ADAMTSL1: variants seen among roughly 807,000 people sequenced by gnomAD.
ADAMTSL1 encodes ADAMTS-like protein 1.
In ADAMTSL1, 126 loss-of-function variants were observed where a neutral mutation model predicts 201.8. That is an observed-to-expected ratio of 0.62 (90% confidence interval 0.54 to 0.72). ADAMTSL1 has a LOEUF of 0.72. Among genes scored for constraint, ADAMTSL1 ranks in the 30% least tolerant of loss-of-function variants. The pLI is 0.00. For missense variants in ADAMTSL1, 2,679 were observed against 2,277.8 expected, an observed-to-expected ratio of 1.18 and a Z score of -3.59; for synonymous variants, 1,121 against 903.4, an observed-to-expected ratio of 1.24 and a Z score of -4.32.
At position 18,274,516 on chromosome 9, in the gene ADAMTSL1, A is replaced by G. The variant is rs368900489; in HGVS notation, c.207+110535A>G. Among the ~76,000 whole-genome samples, 4 of 152,206 alleles carry G rather than the reference A, an allele frequency of 2.6e-5. No homozygotes were observed. In the East Asian group the frequency reaches 7.7e-4, roughly 29 times the overall value. ...ATCTGCAATGTCTGAGGTATTTCAT[A>G]ATACAACAGAAATAGGCAAAATAAA... On this transcript the variant is annotated intron_variant, in intron 2 of 29. Transcript: ENST00000680146.
At chr9:18,374,234 T>C (rs1837182834) in intron 2 of ADAMTSL1, among the ~76,000 whole-genome samples, 1 of 152,202 alleles carries the variant, frequency 6.6e-6, no homozygotes, top group Non-Finnish European at 1.5e-5. Flanking sequence ...CTTGGAGCCG[T>C]AAAGAAAGGT....
chr9:18,114,110 G>A (rs560109126), intron 1 of ADAMTSL1, among the ~76,000 whole-genome samples: 27 of 152,222 alleles, frequency 1.8e-4, no homozygotes, highest in African/African-American at 6.0e-4. Context: ...AAAGAGGAGA[G>A]CACTTTACTT....
intron 20 of ADAMTSL1, among the ~76,000 whole-genome samples, chr9:18,804,484 C>G (rs1371092476): frequency 6.6e-6 from 1 of 152,126 alleles, no homozygotes; most frequent in Admixed American, 6.5e-5. Flanking sequence ...GAAAACTAGA[C>G]TAAGAAAAGA....
At chr9:18,037,529 A>C (rs1045191050) in intron 1 of ADAMTSL1, among the ~76,000 whole-genome samples, 1 of 152,134 alleles carries the variant, frequency 6.6e-6, no homozygotes, top group Non-Finnish European at 1.5e-5. Flanking sequence ...GTAGTATATT[A>C]AATAAGTGTT....
intron 23 of ADAMTSL1, among the ~76,000 whole-genome samples, chr9:18,860,474 C>T (rs943438446): frequency 6.6e-6 from 1 of 151,480 alleles, no homozygotes; most frequent in Non-Finnish European, 1.5e-5. Context: ...GACCATATGG[C>T]TCACAAAGTC....
At chr9:18,817,768 G>A (rs557814558) in intron 21 of ADAMTSL1, among the ~76,000 whole-genome samples, 1 of 152,370 alleles carries the variant, frequency 6.6e-6, no homozygotes, top group African/African-American at 2.4e-5. Flanking sequence ...GTTTAGAGGA[G>A]AAGTCATGGA....
chr9:18,334,395 G>A (rs1470349676), intron 2 of ADAMTSL1, among the ~76,000 whole-genome samples: 1 of 152,138 alleles, frequency 6.6e-6, no homozygotes, highest in African/African-American at 2.4e-5. Context: ...ACATGCAAGA[G>A]ATTAGTTCTT....
rs1830661940 is a variant in ADAMTSL1, at chr9:18,231,997, T to C, written c.207+68016T>C. Among the ~76,000 whole-genome samples, 3 of 152,310 alleles carry C rather than the reference T, an allele frequency of 2.0e-5. No homozygotes were observed. In the South Asian group the frequency reaches 6.2e-4, roughly 32 times the overall value. On this transcript the variant is annotated intron_variant, in intron 2 of 29. Transcript: ENST00000680146. ...CCTTGCTCCTAAAGCTTGTTCTCAG[T>C]AAGCAGCCAGAGTGTAACAGAGAGA...
chr9:18,701,314 G>A (rs1831910425), intron 13 of ADAMTSL1, among the ~76,000 whole-genome samples: 1 of 151,296 alleles, frequency 6.6e-6, no homozygotes, highest in Non-Finnish European at 1.5e-5. Flanking sequence ...CCACCTCCCG[G>A]GTTCAAGCAA....
chr9:18,247,717 G>A (rs1831316695), intron 2 of ADAMTSL1, among the ~76,000 whole-genome samples: 1 of 152,176 alleles, frequency 6.6e-6, no homozygotes, highest in Admixed American at 6.5e-5. Context: ...TGGCTACAAA[G>A]CAGAGGCTTC....
intron 1 of ADAMTSL1, among the ~76,000 whole-genome samples, chr9:18,041,448 G>T (rs1186813638): frequency 1.3e-5 from 2 of 152,120 alleles, no homozygotes; most frequent in Non-Finnish European, 2.9e-5. Context: ...TGGAATAAAG[G>T]TAAAAGTTTG....
chr9:18,648,652 A>G (rs111610182), intron 7 of ADAMTSL1, among the ~76,000 whole-genome samples: 24,264 of 149,744 alleles, frequency 0.16, 2,101 homozygotes, highest in Middle Eastern at 0.22. Context: ...GATGAAGCTT[A>G]GTTTGGCTGG....
At chr9:18,249,425 G>T (rs930136080) in intron 2 of ADAMTSL1, among the ~76,000 whole-genome samples, 3 of 152,082 alleles carry the variant, frequency 2.0e-5, no homozygotes, top group African/African-American at 7.2e-5. Flanking sequence ...TACAGAGAGG[G>T]ACATTACATA....
At chr9:18,014,056 T>G (rs1325169009) in intron 1 of ADAMTSL1, among the ~76,000 whole-genome samples, 2 of 152,000 alleles carry the variant, frequency 1.3e-5, no homozygotes, top group African/African-American at 4.8e-5. Context: ...TCAAGCATAT[T>G]TGGCAATACT....
At chr9:18,450,909 G>A (rs1361470435) in intron 2 of ADAMTSL1, among the ~76,000 whole-genome samples, 1 of 152,144 alleles carries the variant, frequency 6.6e-6, no homozygotes, top group Non-Finnish European at 1.5e-5. Flanking sequence ...CAAAAAAATT[G>A]TATAAAACAG....
At chr9:18,721,304 G>A (rs1833352195) in intron 14 of ADAMTSL1, among the ~76,000 whole-genome samples, 1 of 152,106 alleles carries the variant, frequency 6.6e-6, no homozygotes, top group East Asian at 1.9e-4. Context: ...TGGGGGAGTT[G>A]CCCTCCTCAA....
chr9:18,514,327 CTTTTTT>C (rs397963773), intron 2 of ADAMTSL1, among the ~76,000 whole-genome samples: 20 of 100,104 alleles, frequency 2.0e-4, no homozygotes, highest in East Asian at 2.7e-4. Context: ...ATTTTTCTTT[CTTTTTT>C]TTTTTTTTTT....
intron 13 of ADAMTSL1, among the ~76,000 whole-genome samples, chr9:18,693,907 A>G (rs1447242249): frequency 5.3e-5 from 8 of 152,190 alleles, no homozygotes; most frequent in Non-Finnish European, 1.2e-4. Context: ...ATTGCTGTAA[A>G]GAGCTGTCTG....
At chr9:18,044,083 C>T (rs961894332) in intron 1 of ADAMTSL1, among the ~76,000 whole-genome samples, 1 of 150,056 alleles carries the variant, frequency 6.7e-6, no homozygotes, top group Non-Finnish European at 1.5e-5. Context: ...TTTTTGAGCA[C>T]CTGCTATGTG....
Sources: allele counts gnomAD v4.1 joint callset (sites outside exome capture counted in the v4.1 genomes callset), GRCh38; gene constraint gnomAD v4.1.1; transcripts MANE v1.5; gene names NCBI Gene and HGNC (gene_info 2026-07-23, HGNC 2026-07-21).